The following RBM44 variants were observed in gnomAD, a reference collection of about 807,000 sequenced individuals.
RBM44 encodes RNA-binding protein 44.
A neutral mutation model predicts 105.1 loss-of-function variants in RBM44; 66 were observed. That is an observed-to-expected ratio of 0.63 (90% confidence interval 0.52 to 0.77). The LOEUF (loss-of-function observed/expected upper bound fraction) is 0.77, where lower values mean the gene tolerates loss of function less well. RBM44 is among the 30% of genes least tolerant of loss of function. The pLI, the probability that RBM44 is intolerant of heterozygous loss-of-function variation, is 0.00. For missense variants in RBM44, 1,122 were observed against 1,207.8 expected, an observed-to-expected ratio of 0.93 and a Z score of 1.05; for synonymous variants, 365 against 417.6, an observed-to-expected ratio of 0.87 and a Z score of 1.54.
intron 2 of RBM44, among the ~76,000 whole-genome samples, 158 bp from the exon 3 acceptor site, chr2:237,816,835 G>T (rs1394245151): frequency 2.0e-5 from 3 of 152,128 alleles, no homozygotes; most frequent in African/African-American, 4.8e-5. Flanking sequence ...GGAGGACATG[G>T]TTCAGTTTTT....
At chr2:237,812,906 A>G (rs368739745) in intron 1 of RBM44, among the ~76,000 whole-genome samples, 8 of 152,318 alleles carry the variant, frequency 5.3e-5, no homozygotes, top group African/African-American at 1.4e-4. Flanking sequence ...GATTTTATGA[A>G]TGTACCAAAT....
intron 10 of RBM44, among the ~76,000 whole-genome samples, chr2:237,826,104 C>T (rs2061845406): frequency 6.6e-6 from 1 of 151,976 alleles, no homozygotes; most frequent in South Asian, 2.1e-4. Flanking sequence ...GCCATGTTGC[C>T]TGGAGCATCA....
At chr2:237,813,501 T>A in intron 1 of RBM44, 91 bp from the exon 2 acceptor site, 2 of 653,452 alleles carry the variant, frequency 3.1e-6, no homozygotes, top group South Asian at 2.7e-5. Context: ...TCCTTGGAAA[T>A]TTTAAAAGGA....
Position 237,837,030 on chromosome 2 carries a change from TTTTG to T in RBM44, c.*22+2623_*22+2626del, listed in dbSNP as rs374733565. Among the ~76,000 whole-genome samples, 478 of 152,160 alleles carry T rather than the reference TTTTG, an allele frequency of 3.1e-3. 2 individuals are homozygous for T. The Middle Eastern group carries it at 0.037, about 12-fold the overall frequency. ...GGCACATACCACCATGCCAGGATAA[TTTTG>T]TTTGTTTGTTTGTTTTAGAGGTTGG... On this transcript the variant is annotated intron_variant, in intron 15 of 15. Coordinates refer to ENST00000316997, the MANE Select transcript of RBM44 (RefSeq NM_001080504.3).
At chr2:237,821,879 G>T in intron 8 of RBM44, 52 bp downstream of exon 8, 2 of 1,211,924 alleles carry the variant, frequency 1.7e-6, no homozygotes, top group Non-Finnish European at 2.4e-6. Flanking sequence ...TATGGTTTAC[G>T]TAAAGTAAAT....
chr2:237,822,321 T>A (rs2061801536), intron 8 of RBM44, among the ~76,000 whole-genome samples: 1 of 152,084 alleles, frequency 6.6e-6, no homozygotes, highest in Admixed American at 6.6e-5. Context: ...TCTTTCTTGT[T>A]CCCGCAAGAA....
intron 13 of RBM44, among the ~76,000 whole-genome samples, chr2:237,830,761 T>A (rs1016905205): frequency 6.6e-6 from 1 of 152,168 alleles, no homozygotes; most frequent in African/African-American, 2.4e-5. Flanking sequence ...CGCTGAACTG[T>A]CTCTTTCTAC....
At chr2:237,832,078 G>T (rs1418283789) in intron 13 of RBM44, among the ~76,000 whole-genome samples, 1 of 151,530 alleles carries the variant, frequency 6.6e-6, no homozygotes, top group Non-Finnish European at 1.5e-5. Flanking sequence ...GCTTTGTTTT[G>T]CTTGATTCTA....
Position 237,827,326 on chromosome 2 carries a change from T to C in RBM44, c.2526T>C (p.Ser842=). Residue 842 remains serine, a synonymous_variant, in exon 11 of 16, where the codon TCT becomes TCC. Transcript: ENST00000316997. ...TTGGTGGCCTCTGCCCTTCAGTATCTGAGGTATACCAGGATTATTTTTTTG... is the reference window on the plus strand; with the variant it reads ...TTGGTGGCCTCTGCCCTTCAGTATCCGAGGTATACCAGGATTATTTTTTTG... ...IHVGGLCPSV[S]EADLRSHFQK... is the part of the protein sequence containing the mutation. The C allele has an allele frequency of 6.4e-7, 1 of 1,564,062 alleles. No homozygotes were observed. The highest frequency in any genetic ancestry group is 8.8e-7 in the Non-Finnish European group (1 of 1,142,318).
At chr2:237,814,480 T>C (rs1193392325) in intron 2 of RBM44, among the ~76,000 whole-genome samples, 1 of 151,982 alleles carries the variant, frequency 6.6e-6, no homozygotes, top group East Asian at 1.9e-4. Context: ...TCTCAGTAAA[T>C]CCCAATAGGG....
intron 1 of RBM44, among the ~76,000 whole-genome samples, chr2:237,800,355 C>T (rs1240654578): frequency 6.6e-6 from 1 of 151,976 alleles, no homozygotes; most frequent in Non-Finnish European, 1.5e-5. Context: ...TTTCTATATT[C>T]TAGATAATAG....
intron 5 of RBM44, 78 bp downstream of exon 5, chr2:237,820,429 T>A (rs2150980389): frequency 1.1e-6 from 1 of 922,290 alleles, no homozygotes; most frequent in East Asian, 2.9e-5. Flanking sequence ...GTTTCTCTAA[T>A]TTTCATTTTT....
At chr2:237,828,617 C>A (rs868825192) in intron 12 of RBM44, among the ~76,000 whole-genome samples, 2 of 152,024 alleles carry the variant, frequency 1.3e-5, no homozygotes, top group African/African-American at 4.8e-5. Flanking sequence ...CCACTCTTCC[C>A]GGGATTTGGT....
In RBM44 at chr2:237,824,368, A is replaced by T; in HGVS notation, c.2398A>T (p.Thr800Ser). Residue 800 changes from threonine to serine, a missense_variant, in exon 10 of 16, where the codon ACA (threonine) becomes TCA (serine). Coordinates refer to ENST00000316997, the MANE Select transcript of RBM44 (RefSeq NM_001080504.3). ...CCTGACAGGAGTTGACGTCTCAGGGACACAGGGAAATCAAGTAGAACAAGA... is the reference window on the plus strand; with the variant it reads ...CCTGACAGGAGTTGACGTCTCAGGGTCACAGGGAAATCAAGTAGAACAAGA... Reference protein sequence around the residue: ...ESLTGVDVSGTQGNQVEQDTW... With the variant: ...ESLTGVDVSGSQGNQVEQDTW... 1 of 1,613,046 alleles carries T rather than the reference A, an allele frequency of 6.2e-7. No individual in the cohort carries two copies. Among genetic ancestry groups the T allele is most frequent in the South Asian group, 1.1e-5 (1 of 91,038 alleles).
chr2:237,827,966 T>TAGAAGTAAA (rs753981032), intron 12 of RBM44, among the ~76,000 whole-genome samples: 2 of 152,160 alleles, frequency 1.3e-5, no homozygotes, highest in Non-Finnish European at 2.9e-5. Context: ...GTGAAACTGT[T>TAGAAGTAAA]AGAAGTAAAA....
intron 15 of RBM44, among the ~76,000 whole-genome samples, chr2:237,837,111 G>A (rs2061967912): frequency 6.6e-6 from 1 of 152,054 alleles, no homozygotes; most frequent in Admixed American, 6.6e-5. Context: ...GCTCACCATT[G>A]AGACCTACTA....
At position 237,811,034 on chromosome 2, in the gene RBM44, G is replaced by A. The variant is rs558431972; in HGVS notation, c.-18-2558G>A. Among the ~76,000 whole-genome samples, 13 of 152,000 alleles carry A rather than the reference G, an allele frequency of 8.6e-5. No homozygotes were observed. In the East Asian group the frequency reaches 1.9e-3, roughly 23 times the overall value. ...AGGGAAGGTTAAGTTTGAATGTCACGCCCTTCAGCTGCTGCAGCCTTCAAC... is the reference window on the plus strand; with the variant it reads ...AGGGAAGGTTAAGTTTGAATGTCACACCCTTCAGCTGCTGCAGCCTTCAAC... On this transcript the variant is annotated intron_variant, in intron 1 of 15. Coordinates refer to ENST00000316997, the MANE Select transcript of RBM44 (RefSeq NM_001080504.3).
At chr2:237,826,619 G>T (rs2061850677) in intron 10 of RBM44, among the ~76,000 whole-genome samples, 1 of 152,120 alleles carries the variant, frequency 6.6e-6, no homozygotes, top group Admixed American at 6.6e-5. Context: ...GCTCTAGCCA[G>T]CATTAACACT....
intron 15 of RBM44, among the ~76,000 whole-genome samples, chr2:237,839,784 T>G (rs2061993380): frequency 6.6e-6 from 1 of 152,156 alleles, no homozygotes; most frequent in South Asian, 2.1e-4. Flanking sequence ...AAGATACATA[T>G]ATTAGACTTC....
Sources: allele counts gnomAD v4.1 joint callset (sites outside exome capture counted in the v4.1 genomes callset), GRCh38; gene constraint gnomAD v4.1.1; transcripts MANE v1.5; gene names NCBI Gene and HGNC (gene_info 2026-07-23, HGNC 2026-07-21).